Variants in PIK3C2G observed in about 807,000 individuals in gnomAD.
PIK3C2G encodes the protein phosphatidylinositol 3-kinase C2 domain-containing subunit gamma.
Under a neutral mutation model 181.1 loss-of-function variants are expected in PIK3C2G, and 168 were observed. That is an observed-to-expected ratio of 0.93 (90% CI 0.82 to 1.05). The LOEUF (loss-of-function observed/expected upper bound fraction) is 1.05. Ranked by LOEUF, PIK3C2G falls within the 50% of genes least tolerant of loss-of-function variation. PIK3C2G has a pLI of 0.00. For synonymous variants in PIK3C2G, 573 were observed against 592.2 expected, an observed-to-expected ratio of 0.97 and a Z score of 0.47; for missense variants, 1,869 against 1,732.8, an observed-to-expected ratio of 1.08 and a Z score of -1.40.
At chr12:18,381,742 G>C in intron 13 of PIK3C2G, 24 bp from the exon 14 acceptor site, 9 of 1,277,066 alleles carry the variant, frequency 7.0e-6, no homozygotes, top group Non-Finnish European at 1.0e-5. Flanking sequence ...TCCTGTCTGT[G>C]TGTGTGTGTG....
At chr12:18,724,792 A>T in the PIK3C2G span, among the ~76,000 whole-genome samples, 5 of 152,240 alleles carry the variant, frequency 3.3e-5, no homozygotes, top group South Asian at 1.0e-3. Context: ...TAAGCAAGTC[A>T]ATAAAAATTT....
rs143890853 is a variant in PIK3C2G at position 18,628,040 on chromosome 12, G to A, written c.4183-12389G>A. 9.9e-4 allele frequency among the ~76,000 whole-genome samples: 151 copies of A among 152,182 alleles called. 2 individuals are homozygous for A. The South Asian group carries it at 0.01, about 10-fold the overall frequency. On this transcript the variant is annotated intron_variant, in intron 31 of 32. Transcript: ENST00000538779. The stretch of plus-strand genomic sequence containing the variant: ...CGTCTGTATCTTCATCACATTCCTG[G>A]TAAAACTTGATCTAGAAGTGCTCTT...
chr12:18,650,718 A>ATC (rs1565602691), downstream of PIK3C2G, among the ~76,000 whole-genome samples: 2 of 7,104 alleles, frequency 2.8e-4, no homozygotes, highest in East Asian at 9.8e-3. Context: ...ATATCTATAT[A>ATC]TATATATATA....
intron 30 of PIK3C2G, among the ~76,000 whole-genome samples, chr12:18,604,402 C>A (rs751377135): frequency 6.6e-6 from 1 of 152,064 alleles, no homozygotes. Flanking sequence ...AAAACAATTA[C>A]TAAAAGACCT....
At chr12:18,706,405 C>T in the PIK3C2G span, among the ~76,000 whole-genome samples, 3 of 152,218 alleles carry the variant, frequency 2.0e-5, no homozygotes, top group African/African-American at 7.2e-5. Flanking sequence ...ACATTATTAA[C>T]ACTGATGAGT....
At chr12:18,327,620 C>T (rs1476040295) in intron 8 of PIK3C2G, among the ~76,000 whole-genome samples, 1 of 151,986 alleles carries the variant, frequency 6.6e-6, no homozygotes, top group Non-Finnish European at 1.5e-5. Context: ...GACATTTTTT[C>T]CTCTCTTCTA....
At chr12:18,693,809 G>A in the PIK3C2G span, 1 of 1,521,624 alleles carries the variant, frequency 6.6e-7, no homozygotes. Flanking sequence ...TATCAGACCA[G>A]GCCGCATTGG....
At chr12:18,667,238 T>C in the PIK3C2G span, among the ~76,000 whole-genome samples, 2 of 152,178 alleles carry the variant, frequency 1.3e-5, no homozygotes, top group African/African-American at 4.8e-5. Flanking sequence ...GTGAATATAC[T>C]ACTTCTTAGA....
chr12:18,554,076 G>A (rs116159423), intron 26 of PIK3C2G, among the ~76,000 whole-genome samples: 6,789 of 152,010 alleles, frequency 0.045, 338 homozygotes, highest in African/African-American at 0.13. Context: ...GTCACCAACT[G>A]CATTTTATAG....
At chr12:18,585,241 G>T (rs1455795004) in intron 29 of PIK3C2G, among the ~76,000 whole-genome samples, 1 of 151,872 alleles carries the variant, frequency 6.6e-6, no homozygotes, top group Non-Finnish European at 1.5e-5. Context: ...TAAAAAGAGT[G>T]GTCAACTGGA....
intron 5 of PIK3C2G, among the ~76,000 whole-genome samples, chr12:18,294,537 C>A (rs1283421244): frequency 6.6e-6 from 1 of 151,788 alleles, no homozygotes; most frequent in Non-Finnish European, 1.5e-5. Context: ...ACCACCATTT[C>A]TTTATTGAGG....
intron 29 of PIK3C2G, among the ~76,000 whole-genome samples, chr12:18,573,151 A>T (rs925549317): frequency 2.6e-5 from 4 of 152,182 alleles, no homozygotes; most frequent in African/African-American, 9.7e-5. Context: ...CAGATATTAT[A>T]CTGCAATATC....
Position 18,603,285 on chromosome 12 carries a change from G to A in PIK3C2G, c.4088-6250G>A, listed in dbSNP as rs557844918. 2.0e-5 allele frequency among the ~76,000 whole-genome samples: 3 copies of A among 152,198 alleles called. No individual in the cohort carries two copies. The South Asian group carries it at 6.2e-4, about 31-fold the overall frequency. On this transcript the variant is annotated intron_variant, in intron 30 of 32. Coordinates refer to ENST00000538779, the MANE Select transcript of PIK3C2G (RefSeq NM_001288772.2). ...AGAAGAAAGAAACTCAGAGCTTGAA[G>A]ACAAGGTCTTTGAATTAACCTTGTC...
the PIK3C2G span, among the ~76,000 whole-genome samples, chr12:18,704,609 G>C: frequency 7.9e-5 from 12 of 152,132 alleles, no homozygotes; most frequent in Non-Finnish European, 1.3e-4. Context: ...TTACAGGCAT[G>C]AGTCACTGCA....
chr12:18,549,360 T>A (rs1397648955), intron 26 of PIK3C2G, among the ~76,000 whole-genome samples: 4 of 152,012 alleles, frequency 2.6e-5, no homozygotes, highest in Non-Finnish European at 1.5e-5. Flanking sequence ...ACATCAAATA[T>A]CAAGTATATA....
At chr12:18,592,340 T>G (rs1044348680) in intron 29 of PIK3C2G, among the ~76,000 whole-genome samples, 1 of 151,508 alleles carries the variant, frequency 6.6e-6, no homozygotes, top group Non-Finnish European at 1.5e-5. Context: ...GTGATGGCAA[T>G]AGAAAGGGAA....
chr12:18,638,779 A>G (rs961041299), intron 31 of PIK3C2G, among the ~76,000 whole-genome samples: 1 of 152,056 alleles, frequency 6.6e-6, no homozygotes, highest in Non-Finnish European at 1.5e-5. Flanking sequence ...AAATTTGGGG[A>G]CCCAGATTTG....
chr12:18,544,185 A>T (rs545665183), intron 25 of PIK3C2G, among the ~76,000 whole-genome samples: 2 of 151,906 alleles, frequency 1.3e-5, no homozygotes, highest in African/African-American at 4.8e-5. Context: ...CATGGGCATG[A>T]TGTGTAGTAA....
At chr12:18,271,569 C>T (rs899097580) in intron 1 of PIK3C2G, among the ~76,000 whole-genome samples, 2 of 152,088 alleles carry the variant, frequency 1.3e-5, no homozygotes, top group Non-Finnish European at 2.9e-5. Flanking sequence ...TTTCCTCTTA[C>T]CAGGGCCACA....
Sources: allele counts gnomAD v4.1 joint callset (sites outside exome capture counted in the v4.1 genomes callset), GRCh38; gene constraint gnomAD v4.1.1; transcripts MANE v1.5; gene names NCBI Gene and HGNC (gene_info 2026-07-23, HGNC 2026-07-21).